ITPR2: variants seen among roughly 807,000 people sequenced by gnomAD.
ITPR2 encodes inositol 1,4,5-trisphosphate receptor type 2.
ITPR2 carries 207 observed loss-of-function variants against 317.1 expected under a neutral mutation model. That is an observed-to-expected ratio of 0.65 (90% confidence interval 0.58 to 0.73). The LOEUF (loss-of-function observed/expected upper bound fraction) is 0.73, where lower values mean the gene tolerates loss of function less well. Ranked by LOEUF, ITPR2 falls within the 30% of genes least tolerant of loss-of-function variation. ITPR2 has a pLI of 0.00. For missense variants in ITPR2, 2,613 were observed against 3,284.0 expected, an observed-to-expected ratio of 0.80 and a Z score of 4.99; for synonymous variants, 1,156 against 1,149.1, an observed-to-expected ratio of 1.01 and a Z score of -0.12.
rs566953690 is a variant in ITPR2, at chr12:26,673,361, T to A, written c.1410-7310A>T. 3.9e-5 allele frequency among the ~76,000 whole-genome samples: 6 copies of A among 152,336 alleles called. No individual in the cohort carries two copies. The South Asian group carries it at 1.2e-3, about 32-fold the overall frequency. On this transcript the variant is annotated intron_variant, in intron 13 of 56. Coordinates refer to ENST00000381340, the MANE Select transcript of ITPR2 (RefSeq NM_002223.4). ...CTTATCCACCATGATTAAGTGGGCT[T>A]CATCCCTGGGATGCAAGGCTGGTTC...
chr12:26,830,528 C>T (rs1951084324), intron 1 of ITPR2, among the ~76,000 whole-genome samples: 1 of 152,186 alleles, frequency 6.6e-6, no homozygotes, highest in African/African-American at 2.4e-5. Flanking sequence ...CATTAATGCC[C>T]TCTGTTTCCT....
At chr12:26,816,489 T>C (rs1483680118) in intron 1 of ITPR2, among the ~76,000 whole-genome samples, 3 of 152,330 alleles carry the variant, frequency 2.0e-5, no homozygotes, top group East Asian at 3.9e-4. Flanking sequence ...ATGTTAACTA[T>C]ATGCTAAAGC....
chr12:26,677,675 A>T (rs537274495), intron 13 of ITPR2, among the ~76,000 whole-genome samples: 1 of 152,376 alleles, frequency 6.6e-6, no homozygotes, highest in East Asian at 1.9e-4. Flanking sequence ...ATAGACTATC[A>T]GATTAGATTG....
intron 37 of ITPR2, among the ~76,000 whole-genome samples, chr12:26,507,626 G>A (rs571459643): frequency 1.3e-5 from 2 of 152,286 alleles, no homozygotes; most frequent in East Asian, 3.9e-4. Context: ...TCACAGGTTT[G>A]TGATTCACCT....
chr12:26,454,147 AATG>A (rs769105214), intron 45 of ITPR2, among the ~76,000 whole-genome samples: 27 of 152,342 alleles, frequency 1.8e-4, no homozygotes, highest in Admixed American at 7.8e-4. Context: ...GTTTTTAGAA[AATG>A]ATGAATTACA....
At chr12:26,450,487 G>A (rs1532720) in intron 45 of ITPR2, among the ~76,000 whole-genome samples, 87,042 of 152,046 alleles carry the variant, frequency 0.57, 27,599 homozygotes, top group Non-Finnish European at 0.71. Context: ...TGGTCTTCCC[G>A]AATACTGATG....
chr12:26,484,380 A>G (rs918127325), intron 41 of ITPR2, among the ~76,000 whole-genome samples: 5 of 152,130 alleles, frequency 3.3e-5, no homozygotes, highest in African/African-American at 1.2e-4. Context: ...ATTATAAATG[A>G]TATAATCATT....
intron 37 of ITPR2, among the ~76,000 whole-genome samples, chr12:26,548,934 G>A (rs1353192139): frequency 6.6e-6 from 1 of 152,144 alleles, no homozygotes. Context: ...TTTTCCTTTG[G>A]AGTAATTCAA....
chr12:26,474,809 A>AG (rs1229217437), intron 45 of ITPR2, among the ~76,000 whole-genome samples: 1 of 151,518 alleles, frequency 6.6e-6, no homozygotes, highest in East Asian at 1.9e-4. Flanking sequence ...AAAAAAAAAA[A>AG]AAAAAAGAAT....
At chr12:26,363,960 C>T (rs56125897) in intron 55 of ITPR2, among the ~76,000 whole-genome samples, 27,654 of 152,042 alleles carry the variant, frequency 0.18, 2,932 homozygotes, top group African/African-American at 0.28. Context: ...AATCTAAAGG[C>T]AACACTGGCA....
At chr12:26,520,010 AG>A (rs1289204899) in intron 37 of ITPR2, among the ~76,000 whole-genome samples, 1 of 152,200 alleles carries the variant, frequency 6.6e-6, no homozygotes, top group Non-Finnish European at 1.5e-5. Flanking sequence ...GCTGGGAGGT[AG>A]GTGGGAGGAT....
chr12:26,775,951 T>TATACATAC (rs1179483078), intron 2 of ITPR2, among the ~76,000 whole-genome samples: 1 of 147,256 alleles, frequency 6.8e-6, no homozygotes, highest in African/African-American at 2.5e-5. Context: ...TATATATGTA[T>TATACATAC]ATGTATATCC....
chr12:26,413,389 T>C (rs1940614104), intron 51 of ITPR2, among the ~76,000 whole-genome samples: 1 of 152,244 alleles, frequency 6.6e-6, no homozygotes, highest in African/African-American at 2.4e-5. Flanking sequence ...TGCATATTTC[T>C]CTGCACTCCA....
chr12:26,428,409 G>A (rs1056458858), intron 48 of ITPR2, among the ~76,000 whole-genome samples: 3 of 151,932 alleles, frequency 2.0e-5, no homozygotes, highest in East Asian at 1.9e-4. Context: ...CATCTCTCTC[G>A]GGAACCTTAA....
chr12:26,663,673 C>T lies in ITPR2; in HGVS notation c.1713+12G>A, dbSNP rs1209014245. On this transcript the variant is annotated intron_variant, in intron 15 of 56. Coordinates refer to ENST00000381340, the MANE Select transcript of ITPR2 (RefSeq NM_002223.4). ...CATATGAAACAGTTTAAAATGGGGGCTACCCTCTGACCTGATTTTTCCGGT... is the reference window on the plus strand; with the variant it reads ...CATATGAAACAGTTTAAAATGGGGGTTACCCTCTGACCTGATTTTTCCGGT... 2.5e-6 allele frequency: 4 copies of T among 1,599,264 alleles called. No individual in the cohort carries two copies. The highest frequency in any genetic ancestry group is 8.5e-7 in the Non-Finnish European group (1 of 1,174,420).
intron 53 of ITPR2, among the ~76,000 whole-genome samples, 165 bp downstream of exon 53, chr12:26,399,963 T>C (rs995839735): frequency 1.3e-5 from 2 of 152,238 alleles, no homozygotes; most frequent in African/African-American, 2.4e-5. Context: ...ACATTAGCTA[T>C]GTAATCCTAG....
Position 26,657,799 on chromosome 12 carries a change from G to T in ITPR2, c.2100C>A (p.Ser700Arg). ...TAGCTTTGCCATGAGGTTCCTTGTT[G>T]CTGTCAATCCAATAGAGCCAAACTT... ...DEEVWLYWID[S>R]NKEPHGKAIR... is the part of the protein sequence containing the mutation. The change falls in exon 18 of 57, where the codon AGC becomes AGA. Residue 700 changes from serine (S) to arginine (R), a missense_variant. Ser to Arg is a moderately radical substitution (Grantham distance 110). Transcript: ENST00000381340. The T allele has an allele frequency of 6.2e-7, 1 of 1,614,122 alleles. No homozygotes were observed. The highest frequency in any genetic ancestry group is 8.5e-7 in the Non-Finnish European group (1 of 1,179,990).
intron 28 of ITPR2, among the ~76,000 whole-genome samples, chr12:26,600,812 A>G (rs1208488629): frequency 2.0e-5 from 3 of 150,790 alleles, no homozygotes; most frequent in Non-Finnish European, 3.0e-5. Context: ...CACTCTGTCA[A>G]TCTTCTCTGT....
chr12:26,658,658 T>C (rs1592006392), intron 16 of ITPR2, among the ~76,000 whole-genome samples: 1 of 152,236 alleles, frequency 6.6e-6, no homozygotes, highest in Admixed American at 6.5e-5. Context: ...GGCAGCATGG[T>C]ACAACAGAAA....
Sources: gnomAD v4.1 joint callset for allele counts (sites outside exome capture counted in the v4.1 genomes callset) on GRCh38, gnomAD v4.1.1 for gene constraint, MANE v1.5 for transcripts, NCBI Gene and HGNC (gene_info 2026-07-23, HGNC 2026-07-21) for gene names.